The following FAM161A variants were observed in gnomAD, a reference collection of about 807,000 sequenced individuals.
FAM161A encodes FAM161 centrosomal protein A, also known as protein FAM161A.
A neutral mutation model predicts 70.9 loss-of-function variants in FAM161A; 57 were observed. The ratio of observed to expected loss-of-function variants is 0.80; its 90% CI spans 0.65 to 1.00. FAM161A has a LOEUF of 1.00. Ranked by LOEUF, FAM161A falls within the 50% of genes least tolerant of loss-of-function variation. The pLI is 0.00. For synonymous variants in FAM161A, 299 were observed against 295.7 expected (o/e 1.01, Z -0.12); for missense variants, 880 against 836.0 (o/e 1.05, Z -0.65).
intron 4 of FAM161A, among the ~76,000 whole-genome samples, chr2:61,838,312 T>C (rs945362254): frequency 6.6e-6 from 1 of 152,222 alleles, no homozygotes; most frequent in Non-Finnish European, 1.5e-5. Flanking sequence ...ATGTCTGTAT[T>C]CATCAACATA....
At chr2:61,808,848 C>G in the FAM161A span, among the ~76,000 whole-genome samples, 1 of 151,964 alleles carries the variant, frequency 6.6e-6, no homozygotes, top group Non-Finnish European at 1.5e-5. Flanking sequence ...GACCCAATCA[C>G]TAGTTAATTG....
At chr2:61,812,368 G>A in the FAM161A span, among the ~76,000 whole-genome samples, 2 of 152,192 alleles carry the variant, frequency 1.3e-5, no homozygotes, top group East Asian at 1.9e-4. Context: ...ATTTTATATG[G>A]ATTATTTATA....
rs1409463499 is a variant in FAM161A at position 61,850,097 on chromosome 2, G to A, written c.183+3762C>T. On this transcript the variant is annotated intron_variant, in intron 1 of 6. Transcript: ENST00000404929. ...ATGCACCTCTGTATCTAAAATAACA[G>A]GTGAATTTAAAAATATAGGCCAGGC... is the stretch of plus-strand genomic sequence containing the variant. Among the ~76,000 whole-genome samples the A allele has an allele frequency of 3.3e-5, 5 of 152,072 alleles. No individual in the cohort carries two copies. In the East Asian group the frequency reaches 7.8e-4, roughly 24 times the overall value.
chr2:61,819,130 C>A, the FAM161A span, among the ~76,000 whole-genome samples: 1 of 152,064 alleles, frequency 6.6e-6, no homozygotes, highest in Non-Finnish European at 1.5e-5. Flanking sequence ...TACAAAGTAA[C>A]AATGAAATGA....
At chr2:61,805,935 C>T in the FAM161A span, among the ~76,000 whole-genome samples, 1 of 152,028 alleles carries the variant, frequency 6.6e-6, no homozygotes, top group African/African-American at 2.4e-5. Context: ...AACCTGTTCT[C>T]AGCCAGATGT....
the FAM161A span, among the ~76,000 whole-genome samples, chr2:61,814,682 T>C: frequency 6.6e-6 from 1 of 152,172 alleles, no homozygotes; most frequent in African/African-American, 2.4e-5. Flanking sequence ...ACCACTGCAC[T>C]CCAGCCTGGG....
In FAM161A at chr2:61,840,586, A is replaced by G. The variant is rs530372842; in HGVS notation, c.423-5T>C. ...GAGTTCTTTTCTGATACAGATCTAA[A>G]TGAGAAGAATAACTATGTTATACTT... On this transcript the variant is annotated splice_polypyrimidine_tract_variant and splice_region_variant and intron_variant, in intron 2 of 6. Coordinates refer to ENST00000404929, the MANE Select transcript of FAM161A (RefSeq NM_001201543.2). The G allele has an allele frequency of 5.8e-6, 9 of 1,562,224 alleles. No individual in the cohort carries two copies. The African/African-American group carries it at 1.2e-4, about 21-fold the overall frequency.
At chr2:61,801,660 A>G in the FAM161A span, among the ~76,000 whole-genome samples, 12 of 150,842 alleles carry the variant, frequency 8.0e-5, no homozygotes, top group Non-Finnish European at 1.5e-4. Context: ...TCTTGTGTTC[A>G]AGCGATTGTC....
At chr2:61,842,582 T>C (rs1399418372) in intron 1 of FAM161A, among the ~76,000 whole-genome samples, 1 of 152,196 alleles carries the variant, frequency 6.6e-6, no homozygotes, top group Non-Finnish European at 1.5e-5. Context: ...TGTCAGAAAA[T>C]AAATGTTATT....
downstream of FAM161A, among the ~76,000 whole-genome samples, chr2:61,823,790 G>A (rs1162361365): frequency 6.6e-6 from 1 of 152,084 alleles, no homozygotes; most frequent in East Asian, 1.9e-4. Context: ...AGGGTACCCA[G>A]TAATATTATG....
the FAM161A span, among the ~76,000 whole-genome samples, chr2:61,804,792 A>AAGAAAGAAAGAAAG: frequency 6.6e-6 from 1 of 150,524 alleles, no homozygotes; most frequent in Non-Finnish European, 1.5e-5. Context: ...GAAAGAAAGA[A>AAGAAAGAAAGAAAG]AGAAAGAAAG....
the FAM161A span, among the ~76,000 whole-genome samples, chr2:61,807,775 G>A: frequency 1.3e-5 from 2 of 151,670 alleles, no homozygotes; most frequent in African/African-American, 4.8e-5. Flanking sequence ...TGAGTAGCTG[G>A]GACTACAGGC....
At chr2:61,820,616 C>A, downstream of FAM161A, 1 of 640,234 alleles carries the variant, frequency 1.6e-6, no homozygotes, top group Admixed American at 2.1e-5. Flanking sequence ...AGGGGTTATT[C>A]TTTTTTGTAT....
intron 5 of FAM161A, among the ~76,000 whole-genome samples, chr2:61,831,715 T>C (rs1418956328): frequency 6.6e-6 from 1 of 152,158 alleles, no homozygotes; most frequent in African/African-American, 2.4e-5. Context: ...AGGAGCAGTG[T>C]AAAGGTCAGT....
At chr2:61,806,577 G>C in the FAM161A span, among the ~76,000 whole-genome samples, 1 of 149,062 alleles carries the variant, frequency 6.7e-6, no homozygotes, top group African/African-American at 2.5e-5. Flanking sequence ...TTCTTATTTA[G>C]AGATAAACCT....
intron 5 of FAM161A, among the ~76,000 whole-genome samples, chr2:61,829,776 G>A (rs1672501678): frequency 6.6e-6 from 1 of 152,150 alleles, no homozygotes; most frequent in South Asian, 2.1e-4. Context: ...AATTAATCCT[G>A]TGATTTCCAA....
chr2:61,817,888 C>T, the FAM161A span, among the ~76,000 whole-genome samples: 1 of 151,758 alleles, frequency 6.6e-6, no homozygotes, highest in Non-Finnish European at 1.5e-5. Context: ...ATCGCTTGAA[C>T]CTAGGAGGTT....
At chr2:61,816,489 C>T in the FAM161A span, among the ~76,000 whole-genome samples, 137 of 152,196 alleles carry the variant, frequency 9.0e-4, 2 homozygotes, top group East Asian at 0.025. Context: ...GAGACAGGGT[C>T]TTGCTCTGTC....
the FAM161A span, among the ~76,000 whole-genome samples, chr2:61,801,850 C>T: frequency 1.3e-5 from 2 of 152,010 alleles, no homozygotes; most frequent in African/African-American, 2.4e-5. Context: ...CGTGAGCCAC[C>T]GTGCCCGGCT....
Sources: gnomAD v4.1 joint callset for allele counts (sites outside exome capture counted in the v4.1 genomes callset) on GRCh38, gnomAD v4.1.1 for gene constraint, MANE v1.5 for transcripts, NCBI Gene and HGNC (gene_info 2026-07-23, HGNC 2026-07-21) for gene names.